The following ROCK2 variants were observed in gnomAD, a reference collection of about 807,000 sequenced individuals.
ROCK2 encodes the protein rho-associated protein kinase 2.
Under a neutral mutation model 195.1 loss-of-function variants are expected in ROCK2, and 61 were observed. The observed-to-expected ratio is 0.31, with a 90% CI of 0.25 to 0.39. The LOEUF (loss-of-function observed/expected upper bound fraction) is 0.39. Ranked by LOEUF, ROCK2 falls within the 10% of genes least tolerant of loss-of-function variation. The pLI is 1.00. For missense variants in ROCK2, 1,109 were observed against 1,637.4 expected, an observed-to-expected ratio of 0.68 and a Z score of 5.57; for synonymous variants, 504 against 545.5, an observed-to-expected ratio of 0.92 and a Z score of 1.06.
Position 11,216,218 on chromosome 2 carries a change from C to T in ROCK2, c.1413-12G>A. 1 of 1,571,886 alleles carries T rather than the reference C, an allele frequency of 6.4e-7. No individual in the cohort carries two copies. Among genetic ancestry groups the T allele is most frequent in the African/African-American group, 1.3e-5 (1 of 74,078 alleles). On this transcript the variant is annotated splice_polypyrimidine_tract_variant and intron_variant, in intron 12 of 32. Transcript: ENST00000315872. ...GAGTATTAACAGATCTAAAGAATTT[C>T]AGAAAGAAACAGTAAATAACTTCTA...
rs76763674 is a variant in ROCK2, at chr2:11,295,794, T to C, written c.142-8058A>G. On this transcript the variant is annotated intron_variant, in intron 1 of 32. Coordinates refer to ENST00000315872, the MANE Select transcript of ROCK2 (RefSeq NM_004850.5). ...CAACATGGTGAAACCCCGTCTCTAC[T>C]AAAAATACAAAGATTAGCCAGGCGT... Among the ~76,000 whole-genome samples, 25 of 151,926 alleles carry C rather than the reference T, an allele frequency of 1.6e-4. No homozygotes were observed. The East Asian group carries it at 3.9e-3, about 24-fold the overall frequency.
chr2:11,295,818 G>C (rs949193170), intron 1 of ROCK2, among the ~76,000 whole-genome samples: 6 of 151,904 alleles, frequency 3.9e-5, no homozygotes, highest in Admixed American at 2.0e-4. Context: ...TTAGCCAGGC[G>C]TGGTGGTACA....
At chr2:11,295,587 C>T (rs1242866826) in intron 1 of ROCK2, among the ~76,000 whole-genome samples, 1 of 152,126 alleles carries the variant, frequency 6.6e-6, no homozygotes, top group Non-Finnish European at 1.5e-5. Flanking sequence ...CGTTCAGCAG[C>T]AGTACTTTAA....
intron 1 of ROCK2, among the ~76,000 whole-genome samples, chr2:11,321,117 T>C (rs767672580): frequency 2.8e-4 from 43 of 152,180 alleles, no homozygotes; most frequent in Middle Eastern, 3.4e-3. Flanking sequence ...CATGGAAAAA[T>C]TAGCTCTAGA....
At chr2:11,250,762 CA>C (rs1665803280) in intron 3 of ROCK2, among the ~76,000 whole-genome samples, 1 of 152,170 alleles carries the variant, frequency 6.6e-6, no homozygotes, top group Non-Finnish European at 1.5e-5. Flanking sequence ...AGAATCCAAC[CA>C]TTTCTAACTA....
In ROCK2 at chr2:11,201,345, T is replaced by C. The variant is rs755724421; in HGVS notation, c.2688A>G (p.Glu896=). ...GTAATTCCTGTTTCTTCTGCTGCAA[T>C]TCTTTACCAAGTTTGGTCTTTTCTT... ...ECEEKTKLGK[E]LQQKKQELQD... is the part of the protein sequence containing the mutation. The change falls in exon 22 of 33, where the codon GAA becomes GAG. Residue 896 remains glutamate (E), a synonymous_variant. Coordinates refer to ENST00000315872, the MANE Select transcript of ROCK2 (RefSeq NM_004850.5). This position sits in a 1 kb window ranked among gnomAD's most constrained non-coding sequence, Gnocchi z 4.6. 8.7e-6 allele frequency: 14 copies of C among 1,613,250 alleles called. No homozygotes were observed. Among genetic ancestry groups the C allele is most frequent in the Non-Finnish European group, 1.2e-5 (14 of 1,179,428 alleles).
intron 20 of ROCK2, among the ~76,000 whole-genome samples, chr2:11,205,985 T>A (rs929821491): frequency 6.6e-6 from 1 of 152,038 alleles, no homozygotes; most frequent in Non-Finnish European, 1.5e-5. Context: ...GGTGGGCACC[T>A]GTATTCCCAG....
chr2:11,296,782 A>G (rs1266819104), intron 1 of ROCK2, among the ~76,000 whole-genome samples: 1 of 152,176 alleles, frequency 6.6e-6, no homozygotes, highest in Admixed American at 6.5e-5. Flanking sequence ...TTTGACATCT[A>G]TGCAATACAA....
chr2:11,286,324 A>G (rs1028920926), intron 3 of ROCK2, among the ~76,000 whole-genome samples: 1 of 150,532 alleles, frequency 6.6e-6, no homozygotes. Flanking sequence ...ATGTGAAGCT[A>G]TATTGGCCTT....
In ROCK2 at chr2:11,215,565, T is replaced by C; in HGVS notation, c.1542A>G (p.Glu514=). The C allele has an allele frequency of 6.2e-7, 1 of 1,613,780 alleles. No individual in the cohort carries two copies. The highest frequency in any genetic ancestry group is 8.5e-7 in the Non-Finnish European group (1 of 1,179,858). ...CTTCATGATCAGCTTTCCTCTGATA[T>C]TCTGCATTTTTGTGCTGAAGAAGCG... ...EKALLQHKNA[E]YQRKADHEAD... is the part of the protein sequence containing the mutation. The change falls in exon 14 of 33, where the codon GAA becomes GAG. Residue 514 remains glutamate (E), a synonymous_variant. Transcript: ENST00000315872.
intron 1 of ROCK2, among the ~76,000 whole-genome samples, chr2:11,319,841 A>T (rs1259616058): frequency 6.6e-6 from 1 of 152,202 alleles, no homozygotes. Context: ...GGTAATTTTT[A>T]AATACCACGG....
intron 1 of ROCK2, chr2:11,308,261 C>A (rs1572390064): frequency 8.4e-7 from 1 of 1,187,644 alleles, no homozygotes; most frequent in East Asian, 2.3e-5. Context: ...ACAGTCCACA[C>A]AGTCTCAAGA....
At chr2:11,219,593 T>C (rs1025780305) in intron 9 of ROCK2, among the ~76,000 whole-genome samples, 1 of 152,172 alleles carries the variant, frequency 6.6e-6, no homozygotes, top group East Asian at 1.9e-4. Context: ...TAATTTTGTT[T>C]GCACCAGACT....
At chr2:11,231,823 G>A (rs73915107) in intron 5 of ROCK2, among the ~76,000 whole-genome samples, 3,574 of 152,136 alleles carry the variant, frequency 0.023, 67 homozygotes, top group East Asian at 0.053. Context: ...GTCCTTGTAA[G>A]TTTATAGTTG....
chr2:11,255,376 C>T (rs1290534065), intron 3 of ROCK2, among the ~76,000 whole-genome samples: 2 of 150,606 alleles, frequency 1.3e-5, no homozygotes, highest in Non-Finnish European at 2.9e-5. Context: ...AATAACAAAA[C>T]CCCAGAGTCT....
rs1395511221 is a variant in ROCK2, at chr2:11,222,134, G to A, written c.1048C>T (p.Gln350Ter). ...TGATCATTCTTAAAGAAAGGATGCT[G>A]TCTGATTTCTTCCACCCCATTTCTC... Reference protein sequence around the residue: ...LGRNGVEEIRQHPFFKNDQWH... With the variant: ...LGRNGVEEIR Residue 350 changes from glutamine (Q) to a stop codon, truncating the protein, a stop_gained, in exon 8 of 33, where the codon CAG becomes TAG. Coordinates refer to ENST00000315872, the MANE Select transcript of ROCK2 (RefSeq NM_004850.5). LOFTEE classifies it high-confidence loss of function. 1 of 1,611,044 alleles carries A rather than the reference G, an allele frequency of 6.2e-7. No homozygotes were observed. Among genetic ancestry groups the A allele is most frequent in the Admixed American group, 1.7e-5 (1 of 60,002 alleles).
chr2:11,199,966 C>T (rs1663793672), intron 23 of ROCK2, among the ~76,000 whole-genome samples: 2 of 152,114 alleles, frequency 1.3e-5, no homozygotes, highest in Non-Finnish European at 1.5e-5. Flanking sequence ...AATAAGAATG[C>T]CATTTTCTAG....
rs540706803 is a variant in ROCK2 at position 11,181,935 on chromosome 2, A to C, written c.*1502T>G. The stretch of plus-strand genomic sequence containing the variant: ...GGCGTAAGCCACCATGCCTGGCCAG[A>C]TGATGTATTTAAATATCATACCAAA... On this transcript the variant is annotated 3_prime_UTR_variant, in exon 33 of 33. Coordinates refer to ENST00000315872, the MANE Select transcript of ROCK2 (RefSeq NM_004850.5). The C allele has an allele frequency of 6.6e-6, 1 of 152,020 alleles. No individual in the cohort carries two copies. Among genetic ancestry groups the C allele is most frequent in the South Asian group, 2.1e-4 (1 of 4,834 alleles). 9.4% of individuals were successfully genotyped at this position (152,020 alleles called of 1,614,324 possible).
At chr2:11,330,353 G>C (rs1242788105) in intron 1 of ROCK2, among the ~76,000 whole-genome samples, 2 of 152,156 alleles carry the variant, frequency 1.3e-5, no homozygotes, top group African/African-American at 4.8e-5. Context: ...AGGGTATGTA[G>C]TTTTGTTAGC....
Sources: gnomAD v4.1 joint callset for allele counts (sites outside exome capture counted in the v4.1 genomes callset) on GRCh38, gnomAD v4.1.1 for gene constraint, Gnocchi (gnomAD v3.1) non-coding constraint, MANE v1.5 for transcripts, NCBI Gene and HGNC (gene_info 2026-07-23, HGNC 2026-07-21) for gene names.